RANBP2: variants seen among roughly 807,000 people sequenced by gnomAD.
RANBP2 encodes the protein RAN binding protein 2, also known as E3 SUMO-protein ligase RanBP2.
A neutral mutation model predicts 303.6 loss-of-function variants in RANBP2; 57 were observed. That is an observed-to-expected ratio of 0.19 (90% CI 0.15 to 0.23). The LOEUF (loss-of-function observed/expected upper bound fraction) is 0.23. Ranked by LOEUF, RANBP2 falls within the 10% of genes least tolerant of loss-of-function variation. The pLI, the probability that RANBP2 is intolerant of heterozygous loss-of-function variation, is 1.00. For missense variants in RANBP2, 3,138 were observed against 3,780.8 expected, an observed-to-expected ratio of 0.83 and a Z score of 4.46; for synonymous variants, 1,167 against 1,301.5, an observed-to-expected ratio of 0.90 and a Z score of 2.23.
At chr2:109,396,574 T>C in the RANBP2 span, among the ~76,000 whole-genome samples, 1 of 152,204 alleles carries the variant, frequency 6.6e-6, no homozygotes, top group Non-Finnish European at 1.5e-5. Flanking sequence ...GTTTTTGTTT[T>C]TTTAACTCAT....
At chr2:109,066,431 G>A in the RANBP2 span, among the ~76,000 whole-genome samples, 12 of 152,156 alleles carry the variant, frequency 7.9e-5, no homozygotes, top group South Asian at 2.3e-3. Flanking sequence ...ATAAAGGCAT[G>A]CCCTCTCCAT....
chr2:109,231,382 C>T, the RANBP2 span, among the ~76,000 whole-genome samples: 1 of 152,228 alleles, frequency 6.6e-6, no homozygotes, highest in Admixed American at 6.5e-5. Context: ...GTTATCACCA[C>T]GTTCATGTTG....
At chr2:108,914,216 C>T in the RANBP2 span, among the ~76,000 whole-genome samples, 1 of 151,940 alleles carries the variant, frequency 6.6e-6, no homozygotes, top group Non-Finnish European at 1.5e-5. Flanking sequence ...GCCGAGATCA[C>T]ACCACTGCAC....
chr2:109,227,329 G>A, the RANBP2 span, among the ~76,000 whole-genome samples: 2 of 152,010 alleles, frequency 1.3e-5, no homozygotes, highest in Non-Finnish European at 2.9e-5. Context: ...ATGCCAGAAA[G>A]TCACAATACT....
At chr2:109,379,671 C>T in the RANBP2 span, among the ~76,000 whole-genome samples, 3 of 152,312 alleles carry the variant, frequency 2.0e-5, no homozygotes, top group South Asian at 6.2e-4. Context: ...GCAGCGACAG[C>T]CTGTGGAAGG....
the RANBP2 span, chr2:109,503,414 G>A: frequency 6.6e-6 from 1 of 152,078 alleles, no homozygotes; most frequent in African/African-American, 2.4e-5. Flanking sequence ...CTTCCAGGTG[G>A]TCACCACACG....
chr2:108,905,203 A>C, the RANBP2 span, among the ~76,000 whole-genome samples: 23 of 152,132 alleles, frequency 1.5e-4, no homozygotes, highest in African/African-American at 5.3e-4. Context: ...GGCATGGAGC[A>C]CAGGTTCTCA....
At chr2:109,564,209 T>C in the RANBP2 span, 2 of 597,802 alleles carry the variant, frequency 3.3e-6, no homozygotes, top group Admixed American at 4.2e-5. Context: ...AGGAGTCAAG[T>C]GATTCAAGAA....
chr2:108,804,517 T>A, the RANBP2 span, among the ~76,000 whole-genome samples: 1 of 152,212 alleles, frequency 6.6e-6, no homozygotes, highest in African/African-American at 2.4e-5. Context: ...AAGCCATAAA[T>A]AGCTTATCTC....
At chr2:109,516,244 A>G in the RANBP2 span, among the ~76,000 whole-genome samples, 1 of 152,300 alleles carries the variant, frequency 6.6e-6, no homozygotes, top group African/African-American at 2.4e-5. Context: ...CTGGGCCTGA[A>G]GGACCTAAGT....
the RANBP2 span, among the ~76,000 whole-genome samples, chr2:109,108,980 A>C: frequency 1.3e-5 from 2 of 152,232 alleles, no homozygotes; most frequent in African/African-American, 2.4e-5. Context: ...GCTGCTGGGC[A>C]TAAGTGCTGC....
At chr2:109,641,583 G>T in the RANBP2 span, among the ~76,000 whole-genome samples, 2 of 152,128 alleles carry the variant, frequency 1.3e-5, no homozygotes, top group Non-Finnish European at 2.9e-5. Context: ...GTTTCCAGGG[G>T]CTAGGAGGAA....
the RANBP2 span, among the ~76,000 whole-genome samples, chr2:109,208,842 G>A: frequency 1.3e-5 from 2 of 152,172 alleles, no homozygotes; most frequent in African/African-American, 4.8e-5. Flanking sequence ...CCAGGAAAAG[G>A]CAAATTCAGG....
chr2:109,543,961 T>G, the RANBP2 span: 1 of 577,918 alleles, frequency 1.7e-6, no homozygotes, highest in East Asian at 2.9e-5. Flanking sequence ...ATACAAAAAT[T>G]TTGTGCAAGA....
the RANBP2 span, among the ~76,000 whole-genome samples, chr2:109,470,828 G>A: frequency 1.3e-5 from 2 of 152,232 alleles, no homozygotes; most frequent in Non-Finnish European, 1.5e-5. Context: ...AACAAAGGGT[G>A]CTGACATTTC....
chr2:109,202,760 A>G, the RANBP2 span, among the ~76,000 whole-genome samples: 2 of 152,108 alleles, frequency 1.3e-5, no homozygotes, highest in Non-Finnish European at 1.5e-5. Context: ...AGCCCTTCCC[A>G]TACTATGGAG....
At chr2:109,188,835 T>A in the RANBP2 span, among the ~76,000 whole-genome samples, 1 of 152,166 alleles carries the variant, frequency 6.6e-6, no homozygotes, top group Non-Finnish European at 1.5e-5. Flanking sequence ...CTTTCTAGGG[T>A]GCTTCTCTCT....
chr2:109,491,827 G>A, the RANBP2 span, among the ~76,000 whole-genome samples: 3 of 152,158 alleles, frequency 2.0e-5, no homozygotes, highest in Non-Finnish European at 4.4e-5. Flanking sequence ...TGGTGTTTCT[G>A]CCAGAACCTT....
At chr2:109,491,772 T>C in the RANBP2 span, among the ~76,000 whole-genome samples, 1 of 152,168 alleles carries the variant, frequency 6.6e-6, no homozygotes, top group Non-Finnish European at 1.5e-5. Context: ...CATTGTAACA[T>C]TGCTGAAATA....
Sources: gnomAD v4.1 joint callset for allele counts (sites outside exome capture counted in the v4.1 genomes callset) on GRCh38, gnomAD v4.1.1 for gene constraint, MANE v1.5 for transcripts, NCBI Gene and HGNC (gene_info 2026-07-23, HGNC 2026-07-21) for gene names.